Variants in SMAP1 observed in about 807,000 individuals in gnomAD.
The protein encoded by SMAP1 is stromal membrane-associated protein 1.
Under a neutral mutation model 58.5 loss-of-function variants are expected in SMAP1, and 24 were observed. The observed-to-expected ratio is 0.41, with a 90% CI of 0.30 to 0.58. The LOEUF (loss-of-function observed/expected upper bound fraction) is 0.58. SMAP1 is among the 20% of genes least tolerant of loss of function. The pLI is 0.29. For synonymous variants in SMAP1, 216 were observed against 196.6 expected (o/e 1.10, Z -0.82); for missense variants, 563 against 566.3 (o/e 0.99, Z 0.06).
In SMAP1 at chr6:70,708,046, T is replaced by C. The variant is rs145959892; in HGVS notation, c.119-24332T>C. Among the ~76,000 whole-genome samples, 55 of 152,308 alleles carry C rather than the reference T, an allele frequency of 3.6e-4. No individual in the cohort carries two copies. The East Asian group carries it at 8.5e-3, about 24-fold the overall frequency. ...CTGCAGTGTATAACTATAGTCCTTATGCTGAACATTATATCTCTAGACTTA... is the reference window on the plus strand; with the variant it reads ...CTGCAGTGTATAACTATAGTCCTTACGCTGAACATTATATCTCTAGACTTA... On this transcript the variant is annotated intron_variant, in intron 1 of 10. Transcript: ENST00000370455.
chr6:70,748,177 T>G (rs1268859477), intron 2 of SMAP1, among the ~76,000 whole-genome samples: 2 of 152,176 alleles, frequency 1.3e-5, no homozygotes, highest in Non-Finnish European at 2.9e-5. Flanking sequence ...ATAGAGAAAT[T>G]TCTCGAAAAT....
rs80246341 is a variant in SMAP1, at chr6:70,686,401, G to A, written c.118+18260G>A. On this transcript the variant is annotated intron_variant, in intron 1 of 10. Coordinates refer to ENST00000370455, the MANE Select transcript of SMAP1 (RefSeq NM_001044305.3). ...AAGAAAATTGTTTGGAATTTGTTTC[G>A]CAGCGGAAGGAATGTTATTAATATG... Among the ~76,000 whole-genome samples, 112 of 152,158 alleles carry A rather than the reference G, an allele frequency of 7.4e-4. 1 individual carries two copies. In the East Asian group the frequency reaches 0.021, roughly 28 times the overall value.
intron 6 of SMAP1, among the ~76,000 whole-genome samples, chr6:70,800,208 A>G (rs1768784288): frequency 6.6e-6 from 1 of 152,026 alleles, no homozygotes; most frequent in Non-Finnish European, 1.5e-5. Flanking sequence ...ACTTGAACCC[A>G]GGAGTTTGAG....
At chr6:70,694,221 A>G in intron 1 of SMAP1, 1 of 270,572 alleles carries the variant, frequency 3.7e-6, no homozygotes, top group South Asian at 4.2e-5. Flanking sequence ...GCATCTCAAG[A>G]GATTTATGTT....
At chr6:70,815,019 G>A (rs1769557738) in intron 6 of SMAP1, among the ~76,000 whole-genome samples, 1 of 152,136 alleles carries the variant, frequency 6.6e-6, no homozygotes, top group Non-Finnish European at 1.5e-5. Flanking sequence ...AGGTTAGACT[G>A]GAGCCCAGCT....
chr6:70,672,479 TAAAA>T (rs1174946106), intron 1 of SMAP1, among the ~76,000 whole-genome samples: 1 of 152,222 alleles, frequency 6.6e-6, no homozygotes, highest in Non-Finnish European at 1.5e-5. Context: ...CGTTTATACA[TAAAA>T]GACAACACCC....
chr6:70,730,842 C>T (rs1254535557), intron 1 of SMAP1, among the ~76,000 whole-genome samples: 1 of 152,160 alleles, frequency 6.6e-6, no homozygotes, highest in African/African-American at 2.4e-5. Context: ...CTCTGTCACC[C>T]AGGCTGGAGT....
chr6:70,853,251 C>T (rs1049675328), intron 8 of SMAP1, among the ~76,000 whole-genome samples: 8 of 151,224 alleles, frequency 5.3e-5, no homozygotes, highest in Non-Finnish European at 2.9e-5. Context: ...TAATAATGAT[C>T]GGGATATTTT....
At chr6:70,702,133 G>C (rs1302462019) in intron 1 of SMAP1, among the ~76,000 whole-genome samples, 1 of 151,996 alleles carries the variant, frequency 6.6e-6, no homozygotes, top group Admixed American at 6.6e-5. Flanking sequence ...CTTCTTTTAA[G>C]ATTTTTTTCT....
rs557159537 is a variant in SMAP1, at chr6:70,797,779, T to C, written c.496-878T>C. On this transcript the variant is annotated intron_variant, in intron 5 of 10. Transcript: ENST00000370455. ...TGCATGTTTATCATGTTGCCTTCCCTAGGTTCATCAGTTTATCTTTTCTTT... is the reference window on the plus strand; with the variant it reads ...TGCATGTTTATCATGTTGCCTTCCCCAGGTTCATCAGTTTATCTTTTCTTT... Among the ~76,000 whole-genome samples the C allele has an allele frequency of 5.9e-5, 9 of 152,234 alleles. No individual in the cohort carries two copies. In the East Asian group the frequency reaches 1.7e-3, roughly 29 times the overall value.
At position 70,852,785 on chromosome 6, in the gene SMAP1, T is replaced by G. The variant is rs547662480; in HGVS notation, c.789+121T>G. 1.5e-4 allele frequency: 182 copies of G among 1,206,436 alleles called. No homozygotes were observed. In the African/African-American group the frequency reaches 2.6e-3, roughly 17 times the overall value. The allele number at this position is 1,206,436 out of a possible 1,614,324, so 74.7% of individuals were successfully genotyped here. A position where few individuals can be genotyped will look rare whatever the true frequency, so the allele number is the denominator to read the frequency against. On this transcript the variant is annotated intron_variant, in intron 8 of 10. Coordinates refer to ENST00000370455, the MANE Select transcript of SMAP1 (RefSeq NM_001044305.3). ...AACTGATTTAAAAGTCTCCTGTTCT[T>G]TAGGCTAGAGTTTAGCAAACTAAGC...
At chr6:70,727,883 TGA>T (rs1163283629) in intron 1 of SMAP1, among the ~76,000 whole-genome samples, 5 of 152,056 alleles carry the variant, frequency 3.3e-5, no homozygotes, top group African/African-American at 1.2e-4. Flanking sequence ...GACACCATGG[TGA>T]AACCCTGTCT....
intron 2 of SMAP1, among the ~76,000 whole-genome samples, chr6:70,744,186 T>G (rs1047967273): frequency 2.0e-5 from 3 of 151,870 alleles, no homozygotes; most frequent in African/African-American, 4.8e-5. Context: ...TTTTTTTTTT[T>G]GTTATACTTC....
At chr6:70,681,124 A>AC (rs1482887786) in intron 1 of SMAP1, among the ~76,000 whole-genome samples, 1 of 151,560 alleles carries the variant, frequency 6.6e-6, no homozygotes, top group African/African-American at 2.4e-5. Flanking sequence ...AAAAAAAAAA[A>AC]ATACAATGCA....
intron 10 of SMAP1, chr6:70,859,513 G>A (rs1771605749): frequency 7.9e-6 from 6 of 757,330 alleles, no homozygotes; most frequent in African/African-American, 1.8e-5. Flanking sequence ...CAAGTCAAAT[G>A]TATTAAATTA....
At chr6:70,802,951 A>G (rs998321683) in intron 6 of SMAP1, among the ~76,000 whole-genome samples, 7 of 152,172 alleles carry the variant, frequency 4.6e-5, no homozygotes, top group African/African-American at 1.4e-4. Flanking sequence ...CATCAGGGAT[A>G]TTGGTCTAAA....
At chr6:70,823,781 A>G (rs1769994710) in intron 6 of SMAP1, among the ~76,000 whole-genome samples, 1 of 150,966 alleles carries the variant, frequency 6.6e-6, no homozygotes, top group Admixed American at 6.6e-5. Flanking sequence ...TATTTTGGAT[A>G]TTTATAATCT....
intron 3 of SMAP1, among the ~76,000 whole-genome samples, chr6:70,768,518 A>T (rs938208385): frequency 6.6e-6 from 1 of 152,136 alleles, no homozygotes; most frequent in African/African-American, 2.4e-5. Flanking sequence ...TTTCTTCTAG[A>T]TTATCCAGTT....
In SMAP1 at chr6:70,668,103, A is replaced by C. The variant is rs767731066; in HGVS notation, c.80A>C (p.Glu27Ala). The C allele has an allele frequency of 1.2e-5, 20 of 1,603,642 alleles. No individual in the cohort carries two copies. The highest frequency in any genetic ancestry group is 2.7e-5 in the African/African-American group (2 of 73,100). ...CTCATCCTATCCAAGCTTCTGAGGG[A>C]GGAGGACAACAAGTACTGCGCCGAC... ...HQLILSKLLR[E>A]EDNKYCADCE... The change falls in exon 1 of 11, where the codon GAG becomes GCG. Residue 27 changes from glutamate to alanine, a missense_variant. This residue lies in a region of SMAP1 where 52 missense variants were observed against 46.6 expected (regional missense o/e 1.11). Transcript: ENST00000370455.
Sources: gnomAD v4.1 joint callset for allele counts (sites outside exome capture counted in the v4.1 genomes callset) on GRCh38, gnomAD v4.1.1 for gene constraint, gnomAD v4.1.1 regional missense constraint, MANE v1.5 for transcripts, NCBI Gene and HGNC (gene_info 2026-07-23, HGNC 2026-07-21) for gene names.